Variants in CDK19 observed in about 807,000 individuals in gnomAD.
CDK19 encodes the protein cyclin-dependent kinase 19.
CDK19 carries 20 observed loss-of-function variants against 68.3 expected under a neutral mutation model. The observed-to-expected ratio is 0.29, with a 90% CI of 0.21 to 0.43. CDK19 has a LOEUF of 0.43. Ranked by LOEUF, CDK19 falls within the 20% of genes least tolerant of loss-of-function variation. The probability of loss-of-function intolerance (pLI) is 1.00; values close to 1 mark genes in which losing one functional copy is unlikely to be tolerated. For missense variants in CDK19, 339 were observed against 623.5 expected, an observed-to-expected ratio of 0.54 and a Z score of 4.86; for synonymous variants, 221 against 222.8, an observed-to-expected ratio of 0.99 and a Z score of 0.07.
intron 1 of CDK19, among the ~76,000 whole-genome samples, chr6:110,765,092 A>G (rs1779484555): frequency 6.6e-6 from 1 of 151,838 alleles, no homozygotes; most frequent in African/African-American, 2.4e-5. Flanking sequence ...GACTAAAATG[A>G]AAAACTTAGG....
chr6:110,687,594 G>C (rs1386228129), intron 2 of CDK19, among the ~76,000 whole-genome samples: 1 of 152,188 alleles, frequency 6.6e-6, no homozygotes, highest in Non-Finnish European at 1.5e-5. Context: ...CGTGTTATGA[G>C]AAAACACAGA....
chr6:110,782,784 C>T (rs1780914251), intron 1 of CDK19, among the ~76,000 whole-genome samples: 1 of 152,158 alleles, frequency 6.6e-6, no homozygotes, highest in African/African-American at 2.4e-5. Context: ...TATAGCCTGG[C>T]ACACATTATC....
chr6:110,778,624 T>C (rs1394645247), intron 1 of CDK19, among the ~76,000 whole-genome samples: 1 of 152,228 alleles, frequency 6.6e-6, no homozygotes, highest in Non-Finnish European at 1.5e-5. Context: ...CCTAACTCCA[T>C]TATCCATCCT....
intron 2 of CDK19, among the ~76,000 whole-genome samples, chr6:110,713,927 A>T (rs183068942): frequency 3.9e-5 from 6 of 152,322 alleles, no homozygotes; most frequent in Non-Finnish European, 7.4e-5. Flanking sequence ...CTTTCTTTTT[A>T]CTGAGGTAAA....
chr6:110,638,727 T>C, intron 4 of CDK19, 21 bp from the exon 5 acceptor site: 1 of 1,361,746 alleles, frequency 7.3e-7, no homozygotes, highest in Non-Finnish European at 1.0e-6. Context: ...AAATAGAGCA[T>C]TCAAATTACC....
At chr6:110,642,308 C>CAAAAA (rs56320713) in intron 4 of CDK19, among the ~76,000 whole-genome samples, 1 of 96,322 alleles carries the variant, frequency 1.0e-5, no homozygotes, top group Non-Finnish European at 2.2e-5. Flanking sequence ...GACTCTGTTT[C>CAAAAA]AAAAAAAAAA....
chr6:110,811,520 T>C, intron 1 of CDK19, among the ~76,000 whole-genome samples: 1 of 152,260 alleles, frequency 6.6e-6, no homozygotes, highest in East Asian at 1.9e-4. Flanking sequence ...AGTGCTGGGA[T>C]TAAAGGTGTG....
At chr6:110,781,301 C>G (rs868492199) in intron 1 of CDK19, among the ~76,000 whole-genome samples, 1 of 151,960 alleles carries the variant, frequency 6.6e-6, no homozygotes, top group African/African-American at 2.4e-5. Flanking sequence ...GAGGGATATC[C>G]CAGATTCTTT....
At chr6:110,654,293 C>T (rs758391148) in intron 4 of CDK19, among the ~76,000 whole-genome samples, 1 of 152,160 alleles carries the variant, frequency 6.6e-6, no homozygotes, top group Admixed American at 6.5e-5. Flanking sequence ...CAAAGAACTA[C>T]CTAAGAGTAA....
intron 1 of CDK19, among the ~76,000 whole-genome samples, chr6:110,746,927 G>A (rs987676370): frequency 1.8e-4 from 27 of 152,186 alleles, no homozygotes; most frequent in African/African-American, 6.5e-4. Flanking sequence ...TTAACAGTAT[G>A]AGATAAGCAG....
intron 2 of CDK19, among the ~76,000 whole-genome samples, chr6:110,717,286 T>A (rs1053966822): frequency 2.6e-5 from 4 of 152,152 alleles, no homozygotes; most frequent in African/African-American, 9.7e-5. Context: ...GGCCCCTGTA[T>A]ATACATTGAT....
At chr6:110,680,030 A>T (rs1771879766) in intron 2 of CDK19, among the ~76,000 whole-genome samples, 1 of 152,258 alleles carries the variant, frequency 6.6e-6, no homozygotes, top group Non-Finnish European at 1.5e-5. Flanking sequence ...CTACCCTTTC[A>T]TAAGTTATTC....
chr6:110,623,843 C>CATAT (rs1183776055), intron 8 of CDK19, among the ~76,000 whole-genome samples: 1 of 145,716 alleles, frequency 6.9e-6, no homozygotes, highest in South Asian at 2.1e-4. Flanking sequence ...TATATATACA[C>CATAT]ATATATACAT....
At chr6:110,678,202 A>C (rs1771694922) in intron 2 of CDK19, among the ~76,000 whole-genome samples, 1 of 151,864 alleles carries the variant, frequency 6.6e-6, no homozygotes, top group Admixed American at 6.6e-5. Flanking sequence ...ACAATGCCTG[A>C]CACATTGAAA....
chr6:110,741,300 TAAA>T, intron 2 of CDK19, among the ~76,000 whole-genome samples: 1 of 144,154 alleles, frequency 6.9e-6, no homozygotes, highest in Non-Finnish European at 1.5e-5. Flanking sequence ...TACAAAAAAT[TAAA>T]AAAAAAAAAT....
chr6:110,746,099 TA>T, intron 2 of CDK19, 26 bp downstream of exon 2: 1 of 1,259,904 alleles, frequency 7.9e-7, no homozygotes, highest in Non-Finnish European at 1.1e-6. Flanking sequence ...AATAATAAAA[TA>T]AATAACTGTA....
At chr6:110,720,002 G>A (rs1161406299) in intron 2 of CDK19, among the ~76,000 whole-genome samples, 3 of 27,714 alleles carry the variant, frequency 1.1e-4, no homozygotes, top group African/African-American at 1.6e-4. Flanking sequence ...CCCCTGCTTC[G>A]GCCTCCCAAA....
chr6:110,758,388 T>C (rs984858808), intron 1 of CDK19, among the ~76,000 whole-genome samples: 2 of 152,318 alleles, frequency 1.3e-5, no homozygotes, highest in Admixed American at 1.3e-4. Context: ...GCATCACTAG[T>C]AGAGCAAGCG....
chr6:110,714,722 C>CTTTCT (rs1562225065), intron 2 of CDK19, among the ~76,000 whole-genome samples: 78 of 69,706 alleles, frequency 1.1e-3, no homozygotes, highest in Non-Finnish European at 1.5e-3. Context: ...AATGTCTTTT[C>CTTTCT]TTTTTTTTTT....
Sources: allele counts gnomAD v4.1 joint callset (sites outside exome capture counted in the v4.1 genomes callset), GRCh38; gene constraint gnomAD v4.1.1; transcripts MANE v1.5; gene names NCBI Gene and HGNC (gene_info 2026-07-23, HGNC 2026-07-21).